The following CD163L1 variants were observed in gnomAD, a reference collection of about 807,000 sequenced individuals.
The protein encoded by CD163L1 is CD163 molecule like 1.
In CD163L1, 124 loss-of-function variants were observed where a neutral mutation model predicts 165.4. The ratio of observed to expected loss-of-function variants is 0.75; its 90% CI spans 0.65 to 0.87. The LOEUF is 0.87. Among genes scored for constraint, CD163L1 ranks in the 40% least tolerant of loss-of-function variants. The pLI, the probability that CD163L1 is intolerant of heterozygous loss-of-function variation, is 0.00. For synonymous variants in CD163L1, 585 were observed against 662.2 expected (o/e 0.88, Z 1.79); for missense variants, 1,525 against 1,799.9 (o/e 0.85, Z 2.76).
At chr12:7,399,905 C>T (rs1947884455) in intron 6 of CD163L1, among the ~76,000 whole-genome samples, 1 of 152,044 alleles carries the variant, frequency 6.6e-6, no homozygotes, top group East Asian at 1.9e-4. Context: ...AAATATTTTA[C>T]TATGTAGGTA....
chr12:7,420,046 A>G (rs753475424), intron 4 of CD163L1, among the ~76,000 whole-genome samples: 1 of 152,248 alleles, frequency 6.6e-6, no homozygotes, highest in African/African-American at 2.4e-5. Context: ...ACCCAGAAAT[A>G]AAGCCAAATA....
At chr12:7,352,912 TAAGA>T (rs1946717137), downstream of CD163L1, among the ~76,000 whole-genome samples, 3 of 151,624 alleles carry the variant, frequency 2.0e-5, no homozygotes, top group Admixed American at 1.3e-4. Flanking sequence ...AAAAAAGAGA[TAAGA>T]AAGAAACAGG....
chr12:7,333,144 T>C, the CD163L1 span, among the ~76,000 whole-genome samples: 1 of 152,152 alleles, frequency 6.6e-6, no homozygotes. Context: ...GCGGACCTAA[T>C]AGACATCTAC....
intron 4 of CD163L1, among the ~76,000 whole-genome samples, chr12:7,418,233 C>G (rs918251606): frequency 2.6e-5 from 4 of 151,920 alleles, no homozygotes; most frequent in African/African-American, 9.7e-5. Context: ...CAAAAGAAAC[C>G]CTCAAAACAA....
the CD163L1 span, among the ~76,000 whole-genome samples, chr12:7,335,352 T>C: frequency 1.3e-5 from 2 of 152,158 alleles, no homozygotes; most frequent in Non-Finnish European, 2.9e-5. Flanking sequence ...TCTACAACTA[T>C]CTGATCTTTG....
chr12:7,410,843 A>C (rs1948125606), intron 4 of CD163L1, among the ~76,000 whole-genome samples: 1 of 148,276 alleles, frequency 6.7e-6, no homozygotes. Flanking sequence ...AAAATAAAAA[A>C]TAAATATAAA....
At chr12:7,444,053 C>T in intron 1 of CD163L1, 44 bp downstream of exon 1, 2 of 1,587,906 alleles carry the variant, frequency 1.3e-6, no homozygotes, top group South Asian at 1.1e-5. Context: ...TTAGTATACC[C>T]ACCATCTCCC....
chr12:7,358,747 C>G (rs1342911405), intron 18 of CD163L1, among the ~76,000 whole-genome samples: 1 of 152,076 alleles, frequency 6.6e-6, no homozygotes, highest in African/African-American at 2.4e-5. Flanking sequence ...GAAGAGACAG[C>G]AAGCATCAGA....
intron 4 of CD163L1, among the ~76,000 whole-genome samples, chr12:7,429,987 C>T (rs1487117327): frequency 6.6e-6 from 1 of 152,170 alleles, no homozygotes; most frequent in Non-Finnish European, 1.5e-5. Context: ...GTTATAGCTA[C>T]TCCAGTGTTT....
intron 8 of CD163L1, among the ~76,000 whole-genome samples, chr12:7,391,531 C>A (rs1012792270): frequency 6.6e-6 from 1 of 152,100 alleles, no homozygotes; most frequent in Non-Finnish European, 1.5e-5. Context: ...CCTTAAATAA[C>A]CTGATGGAGC....
At position 7,375,358 on chromosome 12, in the gene CD163L1, A is replaced by G. The variant is rs1947242391; in HGVS notation, c.2924T>C (p.Leu975Pro). Residue 975 changes from leucine to proline, a missense_variant, in exon 11 of 20, where the codon CTT becomes CCT. Transcript: ENST00000313599. The stretch of plus-strand genomic sequence containing the variant: ...AACTGTCATTTGACAGTTATCCAGA[A>G]GTGACTCATTCCCTAAGCAATGAAA... ...HRFHCLGNES[L>P]LDNCQMTVLG... 1.2e-6 allele frequency: 2 copies of G among 1,614,080 alleles called. No individual in the cohort carries two copies. The highest frequency in any genetic ancestry group is 1.7e-6 in the Non-Finnish European group (2 of 1,180,044).
intron 5 of CD163L1, among the ~76,000 whole-genome samples, chr12:7,405,298 C>T (rs1020479222): frequency 1.3e-5 from 2 of 151,912 alleles, no homozygotes; most frequent in African/African-American, 4.8e-5. Flanking sequence ...CTTCTCTCAT[C>T]TCTCTCATCT....
chr12:7,428,891 T>C (rs796212585), intron 4 of CD163L1, among the ~76,000 whole-genome samples: 2 of 152,098 alleles, frequency 1.3e-5, no homozygotes, highest in South Asian at 4.1e-4. Context: ...TTTGCAGATT[T>C]AAGTAATCCA....
At chr12:7,322,639 T>C in the CD163L1 span, 1 of 1,436,726 alleles carries the variant, frequency 7.0e-7, no homozygotes, top group Admixed American at 2.7e-5. Context: ...CACTGTAAAT[T>C]TTTATAGAGT....
chr12:7,402,247 AT>A (rs1432197098), intron 6 of CD163L1, among the ~76,000 whole-genome samples: 1 of 152,096 alleles, frequency 6.6e-6, no homozygotes, highest in Non-Finnish European at 1.5e-5. Flanking sequence ...TTTAATTTTA[AT>A]TTTTAAGTAA....
intron 1 of CD163L1, among the ~76,000 whole-genome samples, chr12:7,441,480 T>G (rs1948830545): frequency 6.6e-6 from 1 of 152,186 alleles, no homozygotes; most frequent in African/African-American, 2.4e-5. Flanking sequence ...TAGCATGTGA[T>G]TCATTGAAAA....
At chr12:7,324,566 G>C in the CD163L1 span, 1 of 1,613,988 alleles carries the variant, frequency 6.2e-7, no homozygotes, top group Non-Finnish European at 8.5e-7. Flanking sequence ...TGAATCGGCT[G>C]TTGTCAGTAG....
At position 7,368,807 on chromosome 12, in the gene CD163L1, C is replaced by T. The variant is rs1366139352; in HGVS notation, c.4072+126G>A. 9.7e-6 allele frequency: 10 copies of T among 1,027,118 alleles called. No individual in the cohort carries two copies. The highest frequency in any genetic ancestry group is 4.8e-5 in the East Asian group (2 of 41,268). 63.6% of individuals were successfully genotyped at this position (1,027,118 alleles called of 1,614,324 possible). The stretch of plus-strand genomic sequence containing the variant: ...ACAGAGCTATTGATACCACTGGCTG[C>T]GACCCACAGACTCATATTTCTGCAG... On this transcript the variant is annotated intron_variant, in intron 16 of 19. Coordinates refer to ENST00000313599, the MANE Select transcript of CD163L1 (RefSeq NM_174941.6). The surrounding 1 kb of genome is among the most constrained non-coding windows in gnomAD (Gnocchi z 4.3).
intron 2 of CD163L1, among the ~76,000 whole-genome samples, chr12:7,440,399 GCGCGCCCAGCCCGGCCAGCTCC>G (rs1280775261): frequency 4.9e-4 from 75 of 151,678 alleles, no homozygotes; most frequent in Admixed American, 1.5e-3. Context: ...CGGGACCGCG[GCGCGCCCAGCCCGGCCAGCTCC>G]CGCGCCCAGC....
Sources: gnomAD v4.1 joint callset for allele counts (sites outside exome capture counted in the v4.1 genomes callset) on GRCh38, gnomAD v4.1.1 for gene constraint, Gnocchi (gnomAD v3.1) non-coding constraint, MANE v1.5 for transcripts, NCBI Gene and HGNC (gene_info 2026-07-23, HGNC 2026-07-21) for gene names.